SCRN1: variants seen among roughly 807,000 people sequenced by gnomAD.
The protein encoded by SCRN1 is secernin 1.
In SCRN1, 19 loss-of-function variants were observed where a neutral mutation model predicts 43.3. That is an observed-to-expected ratio of 0.44 (90% CI 0.31 to 0.64). The LOEUF (loss-of-function observed/expected upper bound fraction) is 0.64. Among genes scored for constraint, SCRN1 ranks in the 30% least tolerant of loss-of-function variants. The pLI is 0.09. For synonymous variants in SCRN1, 183 were observed against 188.9 expected, an observed-to-expected ratio of 0.97 and a Z score of 0.26; for missense variants, 447 against 524.1, an observed-to-expected ratio of 0.85 and a Z score of 1.44.
chr7:29,969,063 G>A lies in SCRN1; in HGVS notation c.5C>T (p.Ala2Val), dbSNP rs1164754771. 6.2e-7 allele frequency: 1 copy of A among 1,612,314 alleles called. No homozygotes were observed. The highest frequency in any genetic ancestry group is 1.3e-5 in the African/African-American group (1 of 74,870). The stretch of plus-strand genomic sequence containing the variant: ...AAAACAGTAACTTGGAGGAGCTGCA[G>A]CCATCCTGAAAAGAGAATGCCAGCA... M[A>V]AAPPSYCFVA... Residue 2 changes from alanine (A) to valine (V), a missense_variant, in exon 2 of 8, where the codon GCT becomes GTT. Coordinates refer to ENST00000242059, the MANE Select transcript of SCRN1 (RefSeq NM_014766.5).
intron 3 of SCRN1, chr7:29,947,267 C>T: frequency 6.4e-7 from 1 of 1,550,778 alleles, no homozygotes; most frequent in South Asian, 1.2e-5. Flanking sequence ...AGCCCATGAC[C>T]TTCTCACAGG....
intron 2 of SCRN1, among the ~76,000 whole-genome samples, chr7:29,968,080 A>AT (rs1320579216): frequency 6.6e-6 from 1 of 152,252 alleles, no homozygotes; most frequent in Non-Finnish European, 1.5e-5. Context: ...CAAAAATAGT[A>AT]TTTTTAAAAG....
intron 2 of SCRN1, among the ~76,000 whole-genome samples, chr7:29,959,806 G>A (rs1788247577): frequency 6.6e-6 from 1 of 151,996 alleles, no homozygotes; most frequent in Admixed American, 6.6e-5. Context: ...TGGGAAAGGG[G>A]ACATTATGGA....
intron 1 of SCRN1, among the ~76,000 whole-genome samples, chr7:29,971,893 CCTCCCCAGAG>C: frequency 6.6e-6 from 1 of 152,238 alleles, no homozygotes; most frequent in South Asian, 2.1e-4. Flanking sequence ...ATGGCAGGCC[CCTCCCCAGAG>C]TGCAGAGAAA....
Position 29,924,015 on chromosome 7 carries a change from G to T in SCRN1, c.1187C>A (p.Ala396Glu). ...GTCATAGAAAAGGTCCCCCACTTCC[G>T]CAGGGTCCAGTGGCTCGGAGCTGGT... Reference protein sequence around the residue: ...ILTSSEPLDPAEVGDLFYDCV... With the variant: ...ILTSSEPLDPEEVGDLFYDCV... Residue 396 changes from alanine to glutamate, a missense_variant, in exon 8 of 8, where the codon GCG (alanine) becomes GAG (glutamate). Coordinates refer to ENST00000242059, the MANE Select transcript of SCRN1 (RefSeq NM_014766.5). 1 of 1,614,090 alleles carries T rather than the reference G, an allele frequency of 6.2e-7. No homozygotes were observed. Among genetic ancestry groups the T allele is most frequent in the Non-Finnish European group, 8.5e-7 (1 of 1,179,998 alleles).
rs542049236 is a variant in SCRN1 at position 29,967,116 on chromosome 7, T to C, written c.159+1793A>G. 3.3e-5 allele frequency among the ~76,000 whole-genome samples: 5 copies of C among 152,224 alleles called. No individual in the cohort carries two copies. The East Asian group carries it at 9.6e-4, about 29-fold the overall frequency. On this transcript the variant is annotated intron_variant, in intron 2 of 7. Coordinates refer to ENST00000242059, the MANE Select transcript of SCRN1 (RefSeq NM_014766.5). ...TTATGTAGTGAAAAGAGCTTCTTCATTTACTAGCCCTAATTTATTTTCTCC... is the reference window on the plus strand; with the variant it reads ...TTATGTAGTGAAAAGAGCTTCTTCACTTACTAGCCCTAATTTATTTTCTCC...
rs1468396698 is a variant in SCRN1 at position 29,921,286 on chromosome 7, T to A, written c.*2671A>T. On this transcript the variant is annotated 3_prime_UTR_variant, in exon 8 of 8. Coordinates refer to ENST00000242059, the MANE Select transcript of SCRN1 (RefSeq NM_014766.5). ...TGTATTTCATCTTGAATATTCATGT[T>A]CCCTATACTGCCTTCAGAAAAGCAA... The A allele has an allele frequency of 6.6e-6, 1 of 152,614 alleles. No individual in the cohort carries two copies. The highest frequency in any genetic ancestry group is 1.5e-5 in the Non-Finnish European group (1 of 68,048). 9.5% of individuals were successfully genotyped at this position (152,614 alleles called of 1,614,324 possible).
chr7:29,933,512 C>T (rs964615030), intron 6 of SCRN1, among the ~76,000 whole-genome samples: 10 of 152,188 alleles, frequency 6.6e-5, no homozygotes, highest in African/African-American at 2.4e-4. Flanking sequence ...GTGCTGGCTT[C>T]CTAGGAAATG....
At chr7:29,966,196 AGAGAGAG>A (rs1179569947) in intron 2 of SCRN1, among the ~76,000 whole-genome samples, 1 of 150,702 alleles carries the variant, frequency 6.6e-6, no homozygotes, top group Admixed American at 6.7e-5. Context: ...AGAGAGAGAG[AGAGAGAG>A]AAGCTGTATC....
At position 29,955,249 on chromosome 7, in the gene SCRN1, C is replaced by A. The variant is rs146176822; in HGVS notation, c.271G>T (p.Ala91Ser). The change falls in exon 3 of 8, where the codon GCC becomes TCC. Residue 91 changes from alanine (A) to serine (S), a missense_variant. Physicochemically the swap from Ala to Ser is moderately conservative, Grantham distance 99. Coordinates refer to ENST00000242059, the MANE Select transcript of SCRN1 (RefSeq NM_014766.5). ...MGANEHGVCI[A>S]NEAINTREPA... is the part of the protein sequence containing the mutation. ...TCTCTGGTGTTGATGGCTTCATTGG[C>A]TATGCACACTCCATGTTCATTGGCT... 1.0e-4 allele frequency: 166 copies of A among 1,614,058 alleles called. No homozygotes were observed. The highest frequency in any genetic ancestry group is 1.3e-4 in the Non-Finnish European group (158 of 1,180,040).
chr7:29,985,949 C>T (rs926369389), intron 1 of SCRN1, among the ~76,000 whole-genome samples: 1 of 152,196 alleles, frequency 6.6e-6, no homozygotes, highest in Non-Finnish European at 1.5e-5. Flanking sequence ...AAATATAATC[C>T]AAGGGCTGGG....
chr7:29,955,140 T>G (rs766331807), intron 3 of SCRN1, 39 bp downstream of exon 3: 4 of 1,575,364 alleles, frequency 2.5e-6, no homozygotes, highest in Non-Finnish European at 3.5e-6. Context: ...ATTTCCAACC[T>G]TTTCTAGGAA....
chr7:29,973,513 AG>A (rs1788723995), intron 1 of SCRN1, among the ~76,000 whole-genome samples: 1 of 152,272 alleles, frequency 6.6e-6, no homozygotes, highest in South Asian at 2.1e-4. Context: ...GAAATTAAAA[AG>A]CTGATGCAAC....
chr7:29,927,307 T>C (rs1007164340), intron 6 of SCRN1, among the ~76,000 whole-genome samples: 1 of 152,106 alleles, frequency 6.6e-6, no homozygotes, highest in Admixed American at 6.5e-5. Flanking sequence ...GCTGTGCGTA[T>C]GCCTGCATGT....
At chr7:29,962,813 G>A (rs927736209) in intron 2 of SCRN1, among the ~76,000 whole-genome samples, 4 of 152,126 alleles carry the variant, frequency 2.6e-5, no homozygotes, top group African/African-American at 9.7e-5. Context: ...TATTTTAATA[G>A]TTGCTTGTAT....
chr7:29,953,974 C>G (rs2128093649), intron 3 of SCRN1, among the ~76,000 whole-genome samples: 1 of 152,282 alleles, frequency 6.6e-6, no homozygotes, highest in African/African-American at 2.4e-5. Flanking sequence ...AACTCCAGCT[C>G]CCAGCCCAAT....
At chr7:29,982,772 A>G (rs1309597808) in intron 1 of SCRN1, among the ~76,000 whole-genome samples, 1 of 151,720 alleles carries the variant, frequency 6.6e-6, no homozygotes, top group Non-Finnish European at 1.5e-5. Context: ...GTAAAAATTC[A>G]GACTCCAAAA....
chr7:29,945,412 CT>C (rs1787704746), intron 3 of SCRN1, among the ~76,000 whole-genome samples: 1 of 152,196 alleles, frequency 6.6e-6, no homozygotes, highest in Non-Finnish European at 1.5e-5. Context: ...CCCGCATTTG[CT>C]TCTTCCTCAT....
intron 3 of SCRN1, chr7:29,947,358 C>T: frequency 6.5e-7 from 1 of 1,544,616 alleles, no homozygotes; most frequent in Non-Finnish European, 8.7e-7. Flanking sequence ...ACTTCTCCTG[C>T]TTAAAGCCCG....
Sources: allele counts gnomAD v4.1 joint callset (sites outside exome capture counted in the v4.1 genomes callset), GRCh38; gene constraint gnomAD v4.1.1; transcripts MANE v1.5; gene names NCBI Gene and HGNC (gene_info 2026-07-23, HGNC 2026-07-21).